CENPI: variants seen among roughly 807,000 people sequenced by gnomAD.
The protein encoded by CENPI is FSH primary response 1.
CENPI carries 4 observed loss-of-function variants against 60.4 expected under a neutral mutation model. The observed-to-expected ratio is 0.07, with a 90% CI of 0.03 to 0.15. The LOEUF (loss-of-function observed/expected upper bound fraction) is 0.15. CENPI is among the 10% of genes least tolerant of loss of function. The probability of loss-of-function intolerance (pLI) is 1.00; values close to 1 mark genes in which losing one functional copy is unlikely to be tolerated. For missense variants in CENPI, 444 were observed against 534.5 expected (o/e 0.83, Z 1.67); for synonymous variants, 157 against 189.4 (o/e 0.83, Z 1.40).
intron 11 of CENPI, among the ~76,000 whole-genome samples, chrX:101,128,289 C>T (rs1373055985): frequency 9.1e-6 from 1 of 110,048 alleles, no homozygotes; most frequent in East Asian, 2.9e-4. Flanking sequence ...GCCGAGATCG[C>T]GCCATTGCAC....
At chrX:101,139,937 T>C (rs1170792090) in intron 15 of CENPI, among the ~76,000 whole-genome samples, 13 of 109,184 alleles carry the variant, frequency 1.2e-4, no homozygotes, top group Non-Finnish European at 2.1e-4. Flanking sequence ...TGGGTTCACG[T>C]CATTCTCCTG....
At chrX:101,125,828 A>G (rs2089729256) in intron 8 of CENPI, among the ~76,000 whole-genome samples, 1 of 111,928 alleles carries the variant, frequency 8.9e-6, no homozygotes, top group Non-Finnish European at 1.9e-5. Flanking sequence ...TTTAACAAAA[A>G]AGATAGTTTT....
chrX:101,104,687 T>C lies in CENPI; in HGVS notation c.364+2276T>C, dbSNP rs1231047548. Among the ~76,000 whole-genome samples the C allele has an allele frequency of 3.3e-5, 3 of 91,740 alleles. No individual in the cohort carries two copies. In the East Asian group the frequency reaches 9.7e-4, roughly 30 times the overall value. 79.7% of individuals were successfully genotyped at this position (91,740 alleles called of 115,157 possible). A position where few individuals can be genotyped will look rare whatever the true frequency, so the allele number is the denominator to read the frequency against. On this transcript the variant is annotated intron_variant, in intron 4 of 21. Transcript: ENST00000682095. ...CAGCCTGGGCAACAAAGCGAAACCT[T>C]GTCTACAAAATGTTAAAAAAAAATT...
chrX:101,172,758 CAT>C, the CENPI span, among the ~76,000 whole-genome samples: 1 of 111,145 alleles, frequency 9.0e-6, no homozygotes, highest in Non-Finnish European at 1.9e-5. Context: ...TGTTATGTAA[CAT>C]ATCAATGTTT....
Position 101,142,859 on chromosome X carries a change from G to A in CENPI, c.1565+2099G>A, listed in dbSNP as rs149680758. ...AGGCTGAGGCCAGCGGATCACTTGAGGTCAGGAATTCCAGACCAGCCTGGC... is the reference window on the plus strand; with the variant it reads ...AGGCTGAGGCCAGCGGATCACTTGAAGTCAGGAATTCCAGACCAGCCTGGC... On this transcript the variant is annotated intron_variant, in intron 16 of 21. Coordinates refer to ENST00000682095, the MANE Select transcript of CENPI (RefSeq NM_001386188.2). Among the ~76,000 whole-genome samples the A allele has an allele frequency of 6.8e-3, 752 of 110,545 alleles. 1 individual carries two copies. The highest frequency in any genetic ancestry group is 0.012 in the Non-Finnish European group (613 of 52,895).
chrX:101,116,661 C>T (rs1486882899), intron 6 of CENPI, among the ~76,000 whole-genome samples: 1 of 111,512 alleles, frequency 9.0e-6, no homozygotes, highest in East Asian at 2.8e-4. Flanking sequence ...AATATCTGTT[C>T]AGGTTCCTGC....
At chrX:101,151,381 A>C (rs972783967) in intron 20 of CENPI, among the ~76,000 whole-genome samples, 5 of 111,913 alleles carry the variant, frequency 4.5e-5, no homozygotes, top group Non-Finnish European at 9.4e-5. Flanking sequence ...AAATTCCCTC[A>C]GGCCAAAAGT....
intron 15 of CENPI, among the ~76,000 whole-genome samples, chrX:101,135,142 A>G (rs1241205809): frequency 1.8e-5 from 2 of 112,007 alleles, no homozygotes; most frequent in East Asian, 5.6e-4. Flanking sequence ...TAACAAAGAA[A>G]AAAATAATAG....
At chrX:101,111,655 T>C in intron 6 of CENPI, among the ~76,000 whole-genome samples, 1 of 112,100 alleles carries the variant, frequency 8.9e-6, no homozygotes, top group Non-Finnish European at 1.9e-5. Flanking sequence ...AAAGTCCTCC[T>C]GCATGCTAAA....
rs184948118 is a variant in CENPI at position 101,125,953 on chromosome X, G to T, written c.688-756G>T. Among the ~76,000 whole-genome samples the T allele has an allele frequency of 4.8e-3, 542 of 111,927 alleles. 1 individual carries two copies. The highest frequency in any genetic ancestry group is 0.014 in the Middle Eastern group (3 of 216). ...ATTAATAATGGGTGTACAGAGGTTA[G>T]GAGATATTTTCAACATAGATAAACT... is the stretch of plus-strand genomic sequence containing the variant. On this transcript the variant is annotated intron_variant, in intron 8 of 21. Transcript: ENST00000682095.
chrX:101,115,713 A>T (rs1038424036), intron 6 of CENPI, among the ~76,000 whole-genome samples: 3 of 112,041 alleles, frequency 2.7e-5, no homozygotes, highest in African/African-American at 9.7e-5. Context: ...GACATGAATT[A>T]CATTCACAGT....
chrX:101,158,305 TTTGCTCTTG>T (rs2090072937), intron 20 of CENPI, among the ~76,000 whole-genome samples: 1 of 101,051 alleles, frequency 9.9e-6, no homozygotes, highest in African/African-American at 3.7e-5. Context: ...GAGACAGAGT[TTTGCTCTTG>T]TTGCCCAGGC....
chrX:101,163,890 C>T lies in CENPI; in HGVS notation c.*923C>T, dbSNP rs1032044112. Among the ~76,000 whole-genome samples, 1 of 110,751 alleles carries T rather than the reference C, an allele frequency of 9.0e-6. No homozygotes were observed. On this transcript the variant is annotated 3_prime_UTR_variant, in exon 22 of 22. Coordinates refer to ENST00000682095, the MANE Select transcript of CENPI (RefSeq NM_001386188.2). ...CTCTACTAAAAATACAAAAAATTGG[C>T]CGGGCATGCCGGCACGTGCCTGTAG... is the stretch of plus-strand genomic sequence containing the variant.
At chrX:101,153,955 C>T (rs2090030598) in intron 20 of CENPI, among the ~76,000 whole-genome samples, 1 of 111,683 alleles carries the variant, frequency 9.0e-6, no homozygotes, top group South Asian at 3.7e-4. Flanking sequence ...TTTAAGTATA[C>T]AACTTCATTT....
At chrX:101,136,411 A>G (rs987668482) in intron 15 of CENPI, among the ~76,000 whole-genome samples, 4 of 112,000 alleles carry the variant, frequency 3.6e-5, no homozygotes, top group Admixed American at 2.9e-4. Context: ...ATAAGTGACT[A>G]AAGGGGCTTA....
At chrX:101,171,442 C>CT in the CENPI span, among the ~76,000 whole-genome samples, 69 of 111,682 alleles carry the variant, frequency 6.2e-4, no homozygotes, top group South Asian at 1.5e-3. Flanking sequence ...AACCAGAAAA[C>CT]TTTTTTTTAT....
intron 16 of CENPI, among the ~76,000 whole-genome samples, chrX:101,141,717 G>A (rs918615842): frequency 2.7e-5 from 3 of 110,415 alleles, no homozygotes; most frequent in African/African-American, 6.6e-5. Context: ...AGAATAGTAC[G>A]TTTGAAATTA....
In CENPI at chrX:101,143,525, A is replaced by T. The variant is rs183647550; in HGVS notation, c.1566-1539A>T. 6.0e-3 allele frequency among the ~76,000 whole-genome samples: 673 copies of T among 112,271 alleles called. 5 individuals are homozygous for T. The highest frequency in any genetic ancestry group is 9.3e-3 in the Non-Finnish European group (495 of 53,209). On this transcript the variant is annotated intron_variant, in intron 16 of 21. Coordinates refer to ENST00000682095, the MANE Select transcript of CENPI (RefSeq NM_001386188.2). ...TGAATTGAATTCAAGTGAAAAAAAA[A>T]TATACATATATATATTTTGAGATGG...
At chrX:101,171,971 G>A in the CENPI span, among the ~76,000 whole-genome samples, 26,395 of 111,125 alleles carry the variant, frequency 0.24, 2,273 homozygotes, top group South Asian at 0.33. Flanking sequence ...AATAAATAAT[G>A]ATGACCCAAT....
Sources: gnomAD v4.1 joint callset for allele counts (sites outside exome capture counted in the v4.1 genomes callset) on GRCh38, gnomAD v4.1.1 for gene constraint, MANE v1.5 for transcripts, NCBI Gene and HGNC (gene_info 2026-07-23, HGNC 2026-07-21) for gene names.